AGAP1: variants seen among roughly 807,000 people sequenced by gnomAD.
AGAP1 encodes ArfGAP with GTPase domain, ankyrin repeat and PH domain 1, also known as arf-GAP with GTPase, ANK repeat and PH domain-containing protein 1.
A neutral mutation model predicts 105.3 loss-of-function variants in AGAP1; 29 were observed. That is an observed-to-expected ratio of 0.28 (90% CI 0.21 to 0.38). The LOEUF (loss-of-function observed/expected upper bound fraction) is 0.38, where lower values mean the gene tolerates loss of function less well. Among genes scored for constraint, AGAP1 ranks in the 10% least tolerant of loss-of-function variants. The probability of loss-of-function intolerance (pLI) is 1.00; values close to 1 mark genes in which losing one functional copy is unlikely to be tolerated. For synonymous variants in AGAP1, 509 were observed against 485.9 expected (o/e 1.05, Z -0.63); for missense variants, 998 against 1,165.1 (o/e 0.86, Z 2.09).
At chr2:235,996,044 G>A (rs2055799276) in intron 13 of AGAP1, among the ~76,000 whole-genome samples, 1 of 152,196 alleles carries the variant, frequency 6.6e-6, no homozygotes, top group Non-Finnish European at 1.5e-5. Context: ...CGTGGGCTCG[G>A]AGGGGTACAG....
At chr2:235,878,835 G>A (rs568385519) in intron 9 of AGAP1, among the ~76,000 whole-genome samples, 1 of 152,290 alleles carries the variant, frequency 6.6e-6, no homozygotes, top group South Asian at 2.1e-4. Flanking sequence ...GATAAAATGC[G>A]AGTTGTCATG....
At chr2:235,857,731 G>A (rs562305260) in intron 9 of AGAP1, among the ~76,000 whole-genome samples, 1 of 152,346 alleles carries the variant, frequency 6.6e-6, no homozygotes, top group East Asian at 1.9e-4. Flanking sequence ...TAGTGATGAG[G>A]AAAGACTGGA....
intron 1 of AGAP1, among the ~76,000 whole-genome samples, chr2:235,541,421 T>A (rs1206494114): frequency 7.6e-6 from 1 of 131,658 alleles, no homozygotes; most frequent in Admixed American, 8.7e-5. Context: ...GAAGTCTCAC[T>A]CTCTCGCCCA....
intron 1 of AGAP1, among the ~76,000 whole-genome samples, chr2:235,686,552 T>C (rs201003825): frequency 0.076 from 4,103 of 54,118 alleles, 208 homozygotes; most frequent in East Asian, 0.24. Context: ...AGGAGATATA[T>C]ATATACACAC....
chr2:235,745,580 A>G (rs1295311460), intron 5 of AGAP1, among the ~76,000 whole-genome samples: 2 of 152,256 alleles, frequency 1.3e-5, no homozygotes, highest in African/African-American at 4.8e-5. Flanking sequence ...TGGGTAACAT[A>G]CAAATAATCC....
chr2:235,720,668 C>G lies in AGAP1; in HGVS notation c.310+3024C>G, dbSNP rs572232027. ...GTCCAGATAGTTCCTTGGATTCTCC[C>G]TGCGCTTCTTAATGTCTGTGCCCTG... On this transcript the variant is annotated intron_variant, in intron 3 of 17. Coordinates refer to ENST00000304032, the MANE Select transcript of AGAP1 (RefSeq NM_001037131.3). This position sits in a 1 kb window ranked among gnomAD's most constrained non-coding sequence, Gnocchi z 5.0. 5 of 985,392 alleles carry G rather than the reference C, an allele frequency of 5.1e-6. No individual in the cohort carries two copies. In the East Asian group the frequency reaches 5.7e-4, roughly 112 times the overall value. The allele number at this position is 985,392 out of a possible 1,614,324, so 61.0% of individuals were successfully genotyped here.
At position 235,728,932 on chromosome 2, in the gene AGAP1, C is replaced by A. The variant is rs886995373; in HGVS notation, c.310+11288C>A. On this transcript the variant is annotated intron_variant, in intron 3 of 17. Coordinates refer to ENST00000304032, the MANE Select transcript of AGAP1 (RefSeq NM_001037131.3). The surrounding 1 kb of genome is among the most constrained non-coding windows in gnomAD (Gnocchi z 4.3). Reference sequence around the variant, plus strand: ...TGTGGAGGAATGGTCAAAACCCAGGCGTGATGTGACCACACCATCTGGCAG... The same window carrying A: ...TGTGGAGGAATGGTCAAAACCCAGGAGTGATGTGACCACACCATCTGGCAG... 6.6e-5 allele frequency among the ~76,000 whole-genome samples: 10 copies of A among 151,438 alleles called. No homozygotes were observed. The highest frequency in any genetic ancestry group is 2.5e-4 in the African/African-American group (10 of 40,786).
chr2:235,767,028 T>C (rs1036896923), intron 6 of AGAP1, among the ~76,000 whole-genome samples: 3 of 151,588 alleles, frequency 2.0e-5, no homozygotes, highest in Non-Finnish European at 4.4e-5. Flanking sequence ...ATTCTCCTGA[T>C]TCAGCCTCCC....
At chr2:235,937,318 G>A (rs529342994) in intron 12 of AGAP1, among the ~76,000 whole-genome samples, 3 of 152,320 alleles carry the variant, frequency 2.0e-5, no homozygotes, top group East Asian at 3.9e-4. Flanking sequence ...GCATGTGGCC[G>A]AGGAGCAGGC....
chr2:236,020,602 G>A lies in AGAP1; in HGVS notation c.1646-15959G>A, dbSNP rs1414584147. Among the ~76,000 whole-genome samples the A allele has an allele frequency of 1.3e-5, 2 of 152,032 alleles. No homozygotes were observed. Among genetic ancestry groups the A allele is most frequent in the African/African-American group, 4.8e-5 (2 of 41,374 alleles). ...CTTCCTCTCTGTTCTTTTCTTCCTC[G>A]CATGCAGACAATAAAACCTACCTTG... On this transcript the variant is annotated intron_variant, in intron 13 of 17. Coordinates refer to ENST00000304032, the MANE Select transcript of AGAP1 (RefSeq NM_001037131.3). This position sits in a 1 kb window ranked among gnomAD's most constrained non-coding sequence, Gnocchi z 5.0.
chr2:235,840,771 T>TG (rs1256083239), intron 9 of AGAP1, among the ~76,000 whole-genome samples: 3 of 151,044 alleles, frequency 2.0e-5, no homozygotes, highest in South Asian at 2.1e-4. Flanking sequence ...AAGAAGAGTT[T>TG]TTTTTTTTTT....
rs780629881 is a variant in AGAP1, at chr2:235,670,925, G to A, written c.164-38254G>A. On this transcript the variant is annotated intron_variant, in intron 1 of 17. Coordinates refer to ENST00000304032, the MANE Select transcript of AGAP1 (RefSeq NM_001037131.3). Reference sequence around the variant, plus strand: ...CTTCAGCGGCATCTTCGCGCGCAGGGACGGGGGCCCGGGCGGCGGGCCCTC... The same window carrying A: ...CTTCAGCGGCATCTTCGCGCGCAGGAACGGGGGCCCGGGCGGCGGGCCCTC... The A allele has an allele frequency of 4.8e-5, 64 of 1,329,422 alleles. 2 individuals carry two copies. In the South Asian group the frequency reaches 8.5e-4, roughly 18 times the overall value. The allele number at this position is 1,329,422 out of a possible 1,614,324, so 82.4% of individuals were successfully genotyped here.
intron 15 of AGAP1, among the ~76,000 whole-genome samples, chr2:236,041,098 A>C (rs2057536610): frequency 6.6e-6 from 1 of 152,164 alleles, no homozygotes; most frequent in African/African-American, 2.4e-5. Context: ...GTCATACCTG[A>C]GGTGCAAAGG....
rs1193597875 is a variant in AGAP1, at chr2:236,114,103, G to A, written c.2115-6089G>A. ...CTCCTTTCTGCTGACGGCCGGCCGCGCCAATAATTCATTTTTTAGCTCATT... is the reference window on the plus strand; with the variant it reads ...CTCCTTTCTGCTGACGGCCGGCCGCACCAATAATTCATTTTTTAGCTCATT... On this transcript the variant is annotated intron_variant, in intron 16 of 17. Transcript: ENST00000304032. This position sits in a 1 kb window ranked among gnomAD's most constrained non-coding sequence, Gnocchi z 5.0. Among the ~76,000 whole-genome samples, 2 of 152,012 alleles carry A rather than the reference G, an allele frequency of 1.3e-5. No individual in the cohort carries two copies. The highest frequency in any genetic ancestry group is 4.8e-5 in the African/African-American group (2 of 41,378).
At chr2:235,933,309 C>T (rs1241263110) in intron 12 of AGAP1, among the ~76,000 whole-genome samples, 4 of 151,996 alleles carry the variant, frequency 2.6e-5, no homozygotes, top group African/African-American at 9.7e-5. Context: ...ATGGAATAGC[C>T]ACGAGCCGCA....
At chr2:235,713,074 T>G (rs1442589525) in intron 2 of AGAP1, among the ~76,000 whole-genome samples, 2 of 152,182 alleles carry the variant, frequency 1.3e-5, no homozygotes, top group African/African-American at 2.4e-5. Context: ...AGGGGAGAGC[T>G]TAATCTTTGC....
rs764087043 is a variant in AGAP1 at position 235,824,837 on chromosome 2, G to A, written c.1050+17506G>A. On this transcript the variant is annotated intron_variant, in intron 9 of 17. Transcript: ENST00000304032. This position sits in a 1 kb window ranked among gnomAD's most constrained non-coding sequence, Gnocchi z 5.2. The stretch of plus-strand genomic sequence containing the variant: ...TGTTGTTTTATGTATACCCATCAAG[G>A]TAACCGGTGCATTCACGGGTTTGGA... 2.6e-4 allele frequency among the ~76,000 whole-genome samples: 40 copies of A among 152,172 alleles called. No homozygotes were observed. The highest frequency in any genetic ancestry group is 1.5e-4 in the Non-Finnish European group (10 of 68,040).
chr2:235,930,521 G>A lies in AGAP1; in HGVS notation c.1325-244G>A, dbSNP rs138676492. 4.4e-3 allele frequency among the ~76,000 whole-genome samples: 676 copies of A among 152,244 alleles called. 9 individuals are homozygous for A. The highest frequency in any genetic ancestry group is 0.015 in the African/African-American group (610 of 41,534). The stretch of plus-strand genomic sequence containing the variant: ...GTCTTTGTATAGGGTTGTTCGGTGC[G>A]AGCCATCTGTGGCATCGGGTCCCTT... On this transcript the variant is annotated intron_variant, in intron 11 of 17. Coordinates refer to ENST00000304032, the MANE Select transcript of AGAP1 (RefSeq NM_001037131.3). This position sits in a 1 kb window ranked among gnomAD's most constrained non-coding sequence, Gnocchi z 7.9.
chr2:235,996,789 C>T (rs189162651), intron 13 of AGAP1, among the ~76,000 whole-genome samples: 31 of 152,302 alleles, frequency 2.0e-4, no homozygotes, highest in African/African-American at 7.0e-4. Flanking sequence ...AAAGCAAAGT[C>T]GTTTTAGAAT....
Sources: gnomAD v4.1 joint callset for allele counts (sites outside exome capture counted in the v4.1 genomes callset) on GRCh38, gnomAD v4.1.1 for gene constraint, Gnocchi (gnomAD v3.1) non-coding constraint, MANE v1.5 for transcripts, NCBI Gene and HGNC (gene_info 2026-07-23, HGNC 2026-07-21) for gene names.